WDR59: variants seen among roughly 807,000 people sequenced by gnomAD.
The protein encoded by WDR59 is WD repeat domain 59, also known as GATOR2 complex protein WDR59.
WDR59 carries 100 observed loss-of-function variants against 131.2 expected under a neutral mutation model. The observed-to-expected ratio is 0.76, with a 90% CI of 0.65 to 0.90. The LOEUF is 0.90. WDR59 is among the 40% of genes least tolerant of loss of function. The pLI, the probability that WDR59 is intolerant of heterozygous loss-of-function variation, is 0.00. For missense variants in WDR59, 1,203 were observed against 1,262.2 expected (o/e 0.95, Z 0.71); for synonymous variants, 601 against 466.2 (o/e 1.29, Z -3.72).
At chr16:74,940,393 A>C (rs2032125035) in intron 7 of WDR59, among the ~76,000 whole-genome samples, 1 of 151,484 alleles carries the variant, frequency 6.6e-6, no homozygotes. Context: ...AAAAAAAAAA[A>C]CAACAACAAA....
intron 25 of WDR59, among the ~76,000 whole-genome samples, chr16:74,881,345 G>C (rs1401214821): frequency 6.6e-6 from 1 of 151,996 alleles, no homozygotes; most frequent in Non-Finnish European, 1.5e-5. Flanking sequence ...GACAGCCTTG[G>C]GGTATTTTTT....
intron 25 of WDR59, among the ~76,000 whole-genome samples, chr16:74,882,951 C>T (rs1206436412): frequency 1.3e-5 from 2 of 150,734 alleles, no homozygotes; most frequent in African/African-American, 2.4e-5. Context: ...TGCCACTGCC[C>T]ACCCCATCGC....
At chr16:74,887,881 G>T in intron 22 of WDR59, 126 bp from the exon 23 acceptor site, 1 of 1,009,504 alleles carries the variant, frequency 9.9e-7, no homozygotes, top group Non-Finnish European at 1.5e-6. Flanking sequence ...AGTTTGGGAG[G>T]CCAAGGAAGG....
At chr16:74,876,923 C>T (rs922825200) in intron 25 of WDR59, among the ~76,000 whole-genome samples, 2 of 152,116 alleles carry the variant, frequency 1.3e-5, no homozygotes, top group South Asian at 4.2e-4. Context: ...TTGGAATATC[C>T]CTGACAATCC....
In WDR59 at chr16:74,917,872, T is replaced by C; in HGVS notation, c.966+57A>G. The C allele has an allele frequency of 5.1e-6, 7 of 1,384,732 alleles. No homozygotes were observed. In the Admixed American group the frequency reaches 7.1e-5, roughly 14 times the overall value. 85.8% of individuals were successfully genotyped at this position (1,384,732 alleles called of 1,614,324 possible). On this transcript the variant is annotated intron_variant, in intron 11 of 25. Transcript: ENST00000262144. ...ACCTCTAATTTCCGCAAATCCTGAA[T>C]CTTACACTTTTTGGTGGATTCAGGT...
At chr16:74,912,081 T>A in intron 14 of WDR59, 117 bp downstream of exon 14, 3 of 1,353,704 alleles carry the variant, frequency 2.2e-6, no homozygotes, top group Non-Finnish European at 3.1e-6. Flanking sequence ...AATACTAGTG[T>A]GTGTACGAAA....
chr16:74,874,514 T>A, intron 25 of WDR59, 70 bp from the exon 26 acceptor site: 1 of 1,385,636 alleles, frequency 7.2e-7, no homozygotes, highest in Non-Finnish European at 1.0e-6. Flanking sequence ...AAACTGGGGC[T>A]TGCCAGGAAG....
Position 74,904,007 on chromosome 16 carries a change from C to G in WDR59, c.1806G>C (p.Gly602=), listed in dbSNP as rs768055053. The part of the protein sequence containing the change: ...EAPGNLRLYS[G]SPTRSEKEQV... ...GCTCTTTCTCGCTGCGAGTGGGGCT[C>G]CCACTGTATAAACGAAGGTTCCCAG... The change falls in exon 18 of 26, where the codon GGG becomes GGC. Residue 602 remains glycine, a synonymous_variant. Coordinates refer to ENST00000262144, the MANE Select transcript of WDR59 (RefSeq NM_030581.4). The G allele has an allele frequency of 1.9e-6, 3 of 1,611,954 alleles. No individual in the cohort carries two copies. The highest frequency in any genetic ancestry group is 1.7e-6 in the Non-Finnish European group (2 of 1,179,438).
chr16:74,984,798 G>A (rs963924515), intron 1 of WDR59, 166 bp downstream of exon 1: 17 of 953,780 alleles, frequency 1.8e-5, no homozygotes, highest in Non-Finnish European at 2.3e-5. Flanking sequence ...CCCGATGGTC[G>A]TCTTCCCTCC....
At chr16:74,913,646 A>T (rs552012036) in intron 13 of WDR59, among the ~76,000 whole-genome samples, 1 of 152,246 alleles carries the variant, frequency 6.6e-6, no homozygotes, top group Non-Finnish European at 1.5e-5. Flanking sequence ...GGTAGACTGA[A>T]ACTTGTTATA....
chr16:74,898,300 T>C (rs1437740526), intron 18 of WDR59, among the ~76,000 whole-genome samples: 1 of 152,032 alleles, frequency 6.6e-6, no homozygotes, highest in Non-Finnish European at 1.5e-5. Flanking sequence ...AGTCCCACTC[T>C]GACGGGCTTA....
chr16:74,906,206 C>T (rs1384837899), intron 17 of WDR59, among the ~76,000 whole-genome samples: 4 of 149,878 alleles, frequency 2.7e-5, no homozygotes, highest in Admixed American at 1.3e-4. Context: ...CCCAGCTACT[C>T]GGGAGGCTGA....
chr16:74,951,622 G>A, intron 3 of WDR59, 79 bp from the exon 4 acceptor site: 1 of 1,244,302 alleles, frequency 8.0e-7, no homozygotes, highest in Non-Finnish European at 1.1e-6. Flanking sequence ...AGGCAGTGAA[G>A]AGGAAGCCAG....
At chr16:74,917,212 T>C (rs1198524802) in intron 11 of WDR59, among the ~76,000 whole-genome samples, 7 of 152,184 alleles carry the variant, frequency 4.6e-5, no homozygotes, top group Non-Finnish European at 1.0e-4. Context: ...GAAACAGATA[T>C]CATTTATCGG....
chr16:74,908,871 G>A (rs572929345), intron 17 of WDR59, 37 bp downstream of exon 17: 63 of 1,599,194 alleles, frequency 3.9e-5, no homozygotes, highest in Admixed American at 1.7e-4. Flanking sequence ...TTCTGGCCCC[G>A]GGAACGTAGA....
intron 21 of WDR59, among the ~76,000 whole-genome samples, chr16:74,888,712 A>T (rs1014959434): frequency 6.6e-6 from 1 of 152,206 alleles, no homozygotes; most frequent in African/African-American, 2.4e-5. Flanking sequence ...GGGGATTCCC[A>T]CACATGTCAT....
intron 20 of WDR59, 121 bp from the exon 21 acceptor site, chr16:74,889,936 G>A: frequency 1.5e-6 from 1 of 649,784 alleles, no homozygotes; most frequent in Non-Finnish European, 2.6e-6. Flanking sequence ...GGCAGCAAAA[G>A]CTGGATCCTT....
At chr16:74,937,575 C>G (rs2031902964) in intron 8 of WDR59, among the ~76,000 whole-genome samples, 1 of 152,150 alleles carries the variant, frequency 6.6e-6, no homozygotes, top group Non-Finnish European at 1.5e-5. Context: ...AATCTCAGCT[C>G]AATGCAACCT....
At position 74,926,146 on chromosome 16, in the gene WDR59, G is replaced by A. The variant is rs1597728257; in HGVS notation, c.652-2143C>T. Among the ~76,000 whole-genome samples the A allele has an allele frequency of 2.2e-5, 3 of 139,372 alleles. No homozygotes were observed. In the Admixed American group the frequency reaches 2.3e-4, roughly 10 times the overall value. 91.4% of individuals were successfully genotyped at this position (139,372 alleles called of 152,430 possible). A position where few individuals can be genotyped will look rare whatever the true frequency, so the allele number is the denominator to read the frequency against. ...GTGATCTCGGCTCACTGCAACCTCC[G>A]CCTCCCAGGTTCAAGCGATTCTCCT... On this transcript the variant is annotated intron_variant, in intron 8 of 25. Coordinates refer to ENST00000262144, the MANE Select transcript of WDR59 (RefSeq NM_030581.4).
Sources: allele counts gnomAD v4.1 joint callset (sites outside exome capture counted in the v4.1 genomes callset), GRCh38; gene constraint gnomAD v4.1.1; transcripts MANE v1.5; gene names NCBI Gene and HGNC (gene_info 2026-07-23, HGNC 2026-07-21).